Variants in GPHN observed in about 807,000 individuals in gnomAD.
The protein encoded by GPHN is gephyrin.
A neutral mutation model predicts 95.5 loss-of-function variants in GPHN; 17 were observed. The ratio of observed to expected loss-of-function variants is 0.18; its 90% CI spans 0.12 to 0.27. The LOEUF is 0.27. GPHN is among the 10% of genes least tolerant of loss of function. The pLI is 1.00. For synonymous variants in GPHN, 320 were observed against 322.5 expected, an observed-to-expected ratio of 0.99 and a Z score of 0.08; for missense variants, 660 against 978.1, an observed-to-expected ratio of 0.67 and a Z score of 4.34.
intron 5 of GPHN, among the ~76,000 whole-genome samples, chr14:66,915,045 A>G (rs1055144654): frequency 1.3e-5 from 2 of 152,128 alleles, no homozygotes; most frequent in Non-Finnish European, 2.9e-5. Flanking sequence ...TGATTCAGTA[A>G]ACATTTTCAG....
chr14:67,646,269 C>T, the GPHN span, among the ~76,000 whole-genome samples: 1 of 152,160 alleles, frequency 6.6e-6, no homozygotes, highest in Non-Finnish European at 1.5e-5. Context: ...AGTCCTGTGT[C>T]GGCTGTTGGC....
At position 66,837,761 on chromosome 14, in the gene GPHN, A is replaced by G. The variant is rs187953821; in HGVS notation, c.294+13195A>G. On this transcript the variant is annotated intron_variant, in intron 4 of 22. Transcript: ENST00000478722. ...ATTTTTGCAATTTTGAGAATAAGGC[A>G]AAAACAAAAATTTCCTATATGAAGA... 7.9e-5 allele frequency among the ~76,000 whole-genome samples: 12 copies of G among 151,986 alleles called. No individual in the cohort carries two copies. In the East Asian group the frequency reaches 1.7e-3, roughly 22 times the overall value.
chr14:66,883,489 A>G (rs557657359), intron 5 of GPHN, among the ~76,000 whole-genome samples: 1 of 152,018 alleles, frequency 6.6e-6, no homozygotes, highest in Admixed American at 6.6e-5. Context: ...CAATTTCAAT[A>G]TCTGGCTTAC....
chr14:66,736,871 C>T (rs553886429), intron 2 of GPHN, among the ~76,000 whole-genome samples: 1 of 152,232 alleles, frequency 6.6e-6, no homozygotes, highest in South Asian at 2.1e-4. Context: ...ACCTCTGTTT[C>T]TTATTTTCTT....
At chr14:67,294,030 T>C in the GPHN span, among the ~76,000 whole-genome samples, 1 of 152,182 alleles carries the variant, frequency 6.6e-6, no homozygotes, top group Non-Finnish European at 1.5e-5. Context: ...AGAACTAAAG[T>C]GGCTTAAAGA....
chr14:67,299,333 C>T, the GPHN span, among the ~76,000 whole-genome samples: 3 of 148,428 alleles, frequency 2.0e-5, no homozygotes, highest in Admixed American at 6.8e-5. Context: ...AAACAAGTAG[C>T]GAAATGTAGG....
At chr14:67,138,887 CTTTTTTTTTTTTTTT>C (rs34446302) in intron 17 of GPHN, among the ~76,000 whole-genome samples, 2 of 94,686 alleles carry the variant, frequency 2.1e-5, no homozygotes, top group South Asian at 4.0e-4. Context: ...GCATCCTCTC[CTTTTTTTTTTTTTTT>C]TTTTTTTTTT....
the GPHN span, among the ~76,000 whole-genome samples, chr14:67,600,729 G>T: frequency 1.8e-4 from 27 of 152,128 alleles, no homozygotes; most frequent in Non-Finnish European, 7.4e-5. Context: ...ACAGGCGCGC[G>T]CCACCACGCC....
intron 2 of GPHN, among the ~76,000 whole-genome samples, chr14:66,740,972 G>A (rs1438082135): frequency 1.3e-5 from 2 of 152,166 alleles, no homozygotes; most frequent in African/African-American, 4.8e-5. Flanking sequence ...TCTGGTGAGG[G>A]CCTTCTTGTG....
At chr14:67,137,153 C>CT (rs1273940629) in intron 17 of GPHN, among the ~76,000 whole-genome samples, 39 of 145,970 alleles carry the variant, frequency 2.7e-4, no homozygotes, top group Middle Eastern at 3.7e-3. Context: ...AAGAATCTGT[C>CT]TTTTTTTTTT....
chr14:66,978,825 T>A (rs1258299391), intron 9 of GPHN, among the ~76,000 whole-genome samples: 1 of 152,216 alleles, frequency 6.6e-6, no homozygotes, highest in Admixed American at 6.5e-5. Context: ...ATATGGCAAC[T>A]GTATAGCCTT....
intron 9 of GPHN, among the ~76,000 whole-genome samples, chr14:67,017,091 A>G (rs2073354981): frequency 6.6e-6 from 1 of 152,114 alleles, no homozygotes; most frequent in Non-Finnish European, 1.5e-5. Context: ...TCCAAAGGAC[A>G]TCCTCTTTAT....
chr14:67,199,192 T>C, the GPHN span: 1 of 1,606,322 alleles, frequency 6.2e-7, no homozygotes, highest in East Asian at 2.2e-5. Context: ...AACACCCACA[T>C]GCCAAAGGAT....
the GPHN span, among the ~76,000 whole-genome samples, chr14:67,351,776 C>T: frequency 6.6e-6 from 1 of 152,054 alleles, no homozygotes; most frequent in Non-Finnish European, 1.5e-5. Flanking sequence ...CCACCTCGGC[C>T]TCCCAAAGTG....
chr14:66,923,018 C>T lies in GPHN; in HGVS notation c.729+80C>T. 3 of 1,194,944 alleles carry T rather than the reference C, an allele frequency of 2.5e-6. No individual in the cohort carries two copies. The East Asian group carries it at 7.0e-5, about 28-fold the overall frequency. 74.0% of individuals were successfully genotyped at this position (1,194,944 alleles called of 1,614,324 possible). ...GGTTTCATCTGTTTTGCATCGCATC[C>T]CTCCCTACATTTAATACTTCTTCAG... On this transcript the variant is annotated intron_variant, in intron 7 of 22. Coordinates refer to ENST00000478722, the MANE Select transcript of GPHN (RefSeq NM_020806.5).
the GPHN span, among the ~76,000 whole-genome samples, chr14:67,195,836 C>T: frequency 9.9e-5 from 15 of 151,908 alleles, no homozygotes; most frequent in Non-Finnish European, 8.8e-5. Flanking sequence ...CTCCGCCTCC[C>T]GGGTTCAAGC....
chr14:66,749,169 CT>C (rs901911571), intron 2 of GPHN, among the ~76,000 whole-genome samples: 27 of 151,888 alleles, frequency 1.8e-4, no homozygotes, highest in African/African-American at 6.0e-4. Flanking sequence ...TCCTCCATGT[CT>C]TTTCATGGTT....
the GPHN span, among the ~76,000 whole-genome samples, chr14:67,326,542 G>T: frequency 1.3e-5 from 2 of 152,108 alleles, no homozygotes; most frequent in Admixed American, 1.3e-4. Context: ...TTTTGGAAAT[G>T]TGTACCTGTG....
At chr14:67,586,009 A>T in the GPHN span, 1 of 1,613,644 alleles carries the variant, frequency 6.2e-7, no homozygotes, top group Non-Finnish European at 8.5e-7. Context: ...TGCAGGGATG[A>T]CTTCATGCTT....
Sources: allele counts gnomAD v4.1 joint callset (sites outside exome capture counted in the v4.1 genomes callset), GRCh38; gene constraint gnomAD v4.1.1; transcripts MANE v1.5; gene names NCBI Gene and HGNC (gene_info 2026-07-23, HGNC 2026-07-21).